KCNH5: variants seen among roughly 807,000 people sequenced by gnomAD.
KCNH5 encodes potassium voltage-gated channel subfamily H member 5.
Under a neutral mutation model 96.1 loss-of-function variants are expected in KCNH5, and 46 were observed. The ratio of observed to expected loss-of-function variants is 0.48; its 90% CI spans 0.38 to 0.61. The LOEUF (loss-of-function observed/expected upper bound fraction) is 0.61. Among genes scored for constraint, KCNH5 ranks in the 20% least tolerant of loss-of-function variants. The pLI, the probability that KCNH5 is intolerant of heterozygous loss-of-function variation, is 0.00. For synonymous variants in KCNH5, 439 were observed against 449.8 expected, an observed-to-expected ratio of 0.98 and a Z score of 0.30; for missense variants, 907 against 1,225.8, an observed-to-expected ratio of 0.74 and a Z score of 3.88.
At chr14:62,976,402 CAA>C (rs58791042) in intron 6 of KCNH5, among the ~76,000 whole-genome samples, 162 of 85,268 alleles carry the variant, frequency 1.9e-3, no homozygotes, top group Middle Eastern at 0.014. Flanking sequence ...GACTCCATGT[CAA>C]AAAAAAAAAA....
chr14:63,006,348 A>G lies in KCNH5; in HGVS notation c.304+18T>C, dbSNP rs373281826. ...TAATAAAGAGTTGGCACATCTTATT[A>G]ATAATTGAGATACCTACTGTTTTTC... On this transcript the variant is annotated intron_variant, in intron 3 of 10. Transcript: ENST00000322893. The G allele has an allele frequency of 1.7e-5, 24 of 1,454,206 alleles. No homozygotes were observed. In the African/African-American group the frequency reaches 2.7e-4, roughly 16 times the overall value. 90.1% of individuals were successfully genotyped at this position (1,454,206 alleles called of 1,614,324 possible). A position where few individuals can be genotyped will look rare whatever the true frequency, so the allele number is the denominator to read the frequency against.
At chr14:62,998,965 C>T (rs546559435) in intron 4 of KCNH5, among the ~76,000 whole-genome samples, 1 of 152,260 alleles carries the variant, frequency 6.6e-6, no homozygotes, top group Admixed American at 6.5e-5. Context: ...AGCAAATGAG[C>T]ATTAAACCTA....
At chr14:62,984,956 A>T (rs1053182696) in intron 5 of KCNH5, among the ~76,000 whole-genome samples, 4 of 152,154 alleles carry the variant, frequency 2.6e-5, no homozygotes, top group Non-Finnish European at 4.4e-5. Context: ...GTAACAGACA[A>T]AAGAAAAATC....
intron 8 of KCNH5, among the ~76,000 whole-genome samples, chr14:62,817,188 T>C (rs147874896): frequency 7.2e-6 from 1 of 138,890 alleles, no homozygotes; most frequent in East Asian, 2.0e-4. Context: ...ATACTATATA[T>C]TATATATCAT....
At chr14:62,798,123 G>A (rs572482260) in intron 9 of KCNH5, among the ~76,000 whole-genome samples, 36 of 152,164 alleles carry the variant, frequency 2.4e-4, no homozygotes, top group African/African-American at 7.9e-4. Flanking sequence ...TCCTGGCCTC[G>A]TTTATGCTTT....
At chr14:62,843,521 C>A (rs564971512) in intron 8 of KCNH5, among the ~76,000 whole-genome samples, 1 of 150,844 alleles carries the variant, frequency 6.6e-6, no homozygotes, top group East Asian at 2.0e-4. Context: ...AAGCAATTCT[C>A]CTGCCTCAGC....
At chr14:62,857,302 T>G (rs1309700696) in intron 7 of KCNH5, among the ~76,000 whole-genome samples, 4 of 152,040 alleles carry the variant, frequency 2.6e-5, no homozygotes, top group African/African-American at 9.7e-5. Context: ...CTTGAAAAAA[T>G]TATAAGAAAT....
At chr14:62,830,803 T>C (rs116306134) in intron 8 of KCNH5, among the ~76,000 whole-genome samples, 1 of 151,844 alleles carries the variant, frequency 6.6e-6, no homozygotes, top group Non-Finnish European at 1.5e-5. Flanking sequence ...AGGGAAGATA[T>C]TTTTTCTGTA....
intron 7 of KCNH5, among the ~76,000 whole-genome samples, chr14:62,913,222 T>C (rs2140102444): frequency 6.6e-6 from 1 of 152,242 alleles, no homozygotes; most frequent in South Asian, 2.1e-4. Context: ...GATCATGTGT[T>C]AAATGTGAAA....
chr14:63,000,892 T>C (rs1173245611), intron 4 of KCNH5, among the ~76,000 whole-genome samples: 1 of 152,120 alleles, frequency 6.6e-6, no homozygotes, highest in Non-Finnish European at 1.5e-5. Flanking sequence ...CTGGGCAACA[T>C]GGCGAAACCC....
chr14:62,975,704 G>C (rs898336919), intron 6 of KCNH5, among the ~76,000 whole-genome samples: 3 of 151,800 alleles, frequency 2.0e-5, no homozygotes, highest in African/African-American at 7.3e-5. Context: ...GAATCCAAGA[G>C]ATTAAAGGAA....
chr14:63,041,433 C>T (rs1441237739), intron 1 of KCNH5, among the ~76,000 whole-genome samples: 3 of 152,122 alleles, frequency 2.0e-5, no homozygotes, highest in African/African-American at 7.2e-5. Flanking sequence ...GGAGACATTG[C>T]TCAGCTGTAA....
chr14:62,971,183 T>C (rs1890400595), intron 6 of KCNH5, among the ~76,000 whole-genome samples: 1 of 152,100 alleles, frequency 6.6e-6, no homozygotes, highest in Admixed American at 6.6e-5. Flanking sequence ...GGTTACAAGG[T>C]TAATACACAA....
At chr14:62,714,649 G>T (rs1359564522) in intron 10 of KCNH5, among the ~76,000 whole-genome samples, 10 of 152,182 alleles carry the variant, frequency 6.6e-5, no homozygotes, top group African/African-American at 2.4e-4. Flanking sequence ...AAACCATGAA[G>T]AAATTATTAT....
chr14:63,015,458 A>ACTCT (rs561696021), intron 2 of KCNH5, among the ~76,000 whole-genome samples: 1 of 151,400 alleles, frequency 6.6e-6, no homozygotes, highest in Admixed American at 6.6e-5. Context: ...AACATGGATG[A>ACTCT]CTCTCTCTCT....
At chr14:62,978,360 C>T (rs995011461) in intron 6 of KCNH5, among the ~76,000 whole-genome samples, 16 of 152,128 alleles carry the variant, frequency 1.1e-4, no homozygotes, top group Admixed American at 2.6e-4. Flanking sequence ...GAGATTTGAG[C>T]GGTGTGCCTA....
chr14:62,854,792 T>C (rs1011691634), intron 7 of KCNH5, among the ~76,000 whole-genome samples: 120 of 151,568 alleles, frequency 7.9e-4, no homozygotes, highest in African/African-American at 2.7e-4. Flanking sequence ...ATGCCTTACA[T>C]AGAAAGTCTT....
At chr14:62,976,767 T>C (rs565026639) in intron 6 of KCNH5, among the ~76,000 whole-genome samples, 4 of 152,208 alleles carry the variant, frequency 2.6e-5, no homozygotes, top group African/African-American at 4.8e-5. Context: ...GCATTGTATC[T>C]TTCAAAATTC....
rs1884373813 is a variant in KCNH5 at position 62,703,196 on chromosome 14, A to C, written c.*4312T>G. The stretch of plus-strand genomic sequence containing the variant: ...TGTAGTTCTAAATTCCCACATAAGT[A>C]TGAAGTTTTATGCTTACCTGCCACT... On this transcript the variant is annotated 3_prime_UTR_variant, in exon 11 of 11. Coordinates refer to ENST00000322893, the MANE Select transcript of KCNH5 (RefSeq NM_139318.5). 6.6e-6 allele frequency: 1 copy of C among 151,896 alleles called. No homozygotes were observed. The highest frequency in any genetic ancestry group is 2.4e-5 in the African/African-American group (1 of 41,426). 9.4% of individuals were successfully genotyped at this position (151,896 alleles called of 1,614,324 possible).
Sources: allele counts gnomAD v4.1 joint callset (sites outside exome capture counted in the v4.1 genomes callset), GRCh38; gene constraint gnomAD v4.1.1; transcripts MANE v1.5; gene names NCBI Gene and HGNC (gene_info 2026-07-23, HGNC 2026-07-21).